Variants in CNTN4 observed in about 807,000 individuals in gnomAD.
CNTN4 encodes contactin 4.
In CNTN4, 77 loss-of-function variants were observed where a neutral mutation model predicts 122.5. The observed-to-expected ratio is 0.63, with a 90% CI of 0.52 to 0.76. The LOEUF (loss-of-function observed/expected upper bound fraction) is 0.76, where lower values mean the gene tolerates loss of function less well. Among genes scored for constraint, CNTN4 ranks in the 30% least tolerant of loss-of-function variants. The pLI is 0.00. For missense variants in CNTN4, 1,256 were observed against 1,259.1 expected (o/e 1.00, Z 0.04); for synonymous variants, 512 against 447.0 (o/e 1.15, Z -1.83).
chr3:2,962,649 A>G (rs904333712), intron 13 of CNTN4, among the ~76,000 whole-genome samples: 3 of 152,094 alleles, frequency 2.0e-5, no homozygotes, highest in Non-Finnish European at 4.4e-5. Flanking sequence ...TTCCAGGAGG[A>G]AGGAGTTATG....
At chr3:2,882,178 C>G (rs546572185) in intron 8 of CNTN4, among the ~76,000 whole-genome samples, 3 of 152,162 alleles carry the variant, frequency 2.0e-5, no homozygotes, top group Admixed American at 6.5e-5. Flanking sequence ...GCCTGGCCAA[C>G]ATGGTGAAAC....
chr3:2,636,641 A>G lies in CNTN4; in HGVS notation c.55+65083A>G, dbSNP rs955741528. Among the ~76,000 whole-genome samples, 46 of 152,182 alleles carry G rather than the reference A, an allele frequency of 3.0e-4. 1 individual carries two copies. Among genetic ancestry groups the G allele is most frequent in the African/African-American group, 1.1e-3 (45 of 41,448 alleles). ...TTATAACTGTATCCCCACTCCTAAT[A>G]TGAACAGTGAAGTCCAAATAAGCTT... On this transcript the variant is annotated intron_variant, in intron 4 of 24. Coordinates refer to ENST00000418658, the MANE Select transcript of CNTN4 (RefSeq NM_175607.3).
chr3:2,295,666 G>C (rs1559424612), intron 2 of CNTN4, among the ~76,000 whole-genome samples: 2 of 152,076 alleles, frequency 1.3e-5, no homozygotes, highest in African/African-American at 4.8e-5. Context: ...TTACTGTGCA[G>C]AGGTCTTTAG....
At chr3:2,568,483 C>G (rs906688658) in intron 3 of CNTN4, among the ~76,000 whole-genome samples, 1 of 152,138 alleles carries the variant, frequency 6.6e-6, no homozygotes, top group African/African-American at 2.4e-5. Context: ...GCTGAGTACA[C>G]TACCTTTGCT....
chr3:2,476,441 A>T (rs1318290743), intron 3 of CNTN4, among the ~76,000 whole-genome samples: 1 of 152,210 alleles, frequency 6.6e-6, no homozygotes, highest in Non-Finnish European at 1.5e-5. Flanking sequence ...GGGGTCATGT[A>T]TGTACTATGT....
At chr3:2,497,138 C>A (rs1391695827) in intron 3 of CNTN4, among the ~76,000 whole-genome samples, 11 of 152,302 alleles carry the variant, frequency 7.2e-5, no homozygotes, top group Admixed American at 7.2e-4. Flanking sequence ...TTCCTTAACC[C>A]ACTTCAGTTG....
At chr3:2,292,913 G>A (rs1032425706) in intron 2 of CNTN4, among the ~76,000 whole-genome samples, 4 of 152,160 alleles carry the variant, frequency 2.6e-5, no homozygotes, top group Non-Finnish European at 4.4e-5. Flanking sequence ...CATTTCTATA[G>A]GAGTAAAACT....
At chr3:2,117,528 G>C (rs1016991869) in intron 2 of CNTN4, among the ~76,000 whole-genome samples, 1 of 152,144 alleles carries the variant, frequency 6.6e-6, no homozygotes, top group Admixed American at 6.5e-5. Flanking sequence ...CTTCCAGGAG[G>C]TTGGGGGAGG....
intron 3 of CNTN4, among the ~76,000 whole-genome samples, chr3:2,432,150 A>G (rs540672562): frequency 5.3e-5 from 8 of 152,190 alleles, no homozygotes; most frequent in South Asian, 2.1e-4. Flanking sequence ...GTGAGTTTCA[A>G]CTCACCATCA....
intron 3 of CNTN4, among the ~76,000 whole-genome samples, chr3:2,393,082 C>T (rs751408848): frequency 6.6e-6 from 1 of 152,164 alleles, no homozygotes; most frequent in African/African-American, 2.4e-5. Context: ...CTGTGAGCCA[C>T]TGTTCCATCC....
intron 3 of CNTN4, among the ~76,000 whole-genome samples, chr3:2,546,172 T>A (rs2078236840): frequency 6.6e-6 from 1 of 152,088 alleles, no homozygotes; most frequent in African/African-American, 2.4e-5. Context: ...ACAGGTTATA[T>A]ACCCAAATGA....
chr3:2,537,667 C>G (rs962346798), intron 3 of CNTN4, among the ~76,000 whole-genome samples: 1 of 152,102 alleles, frequency 6.6e-6, no homozygotes, highest in Non-Finnish European at 1.5e-5. Context: ...TAGCTACTCT[C>G]TGAAATTTGG....
chr3:2,205,357 A>G (rs2038291617), intron 2 of CNTN4, among the ~76,000 whole-genome samples: 2 of 149,632 alleles, frequency 1.3e-5, no homozygotes, highest in South Asian at 4.2e-4. Context: ...AATATATGTA[A>G]TATAATTATA....
chr3:2,300,019 C>T (rs1248893764), intron 2 of CNTN4, among the ~76,000 whole-genome samples: 1 of 152,022 alleles, frequency 6.6e-6, no homozygotes, highest in Non-Finnish European at 1.5e-5. Flanking sequence ...AGGTAAGTCC[C>T]ATAACAGCTT....
chr3:2,339,365 A>C (rs2044091933), intron 3 of CNTN4, 132 bp downstream of exon 3: 1 of 152,152 alleles, frequency 6.6e-6, no homozygotes, highest in African/African-American at 2.4e-5. Flanking sequence ...GTTTTTATGA[A>C]TGTTGAAATT....
At chr3:3,043,973 C>T (rs1212882379) in intron 23 of CNTN4, among the ~76,000 whole-genome samples, 1 of 152,158 alleles carries the variant, frequency 6.6e-6, no homozygotes, top group Non-Finnish European at 1.5e-5. Flanking sequence ...CAAAAATACC[C>T]TGAAGAACCA....
intron 7 of CNTN4, among the ~76,000 whole-genome samples, chr3:2,829,240 G>A (rs1447330278): frequency 6.6e-6 from 1 of 152,148 alleles, no homozygotes; most frequent in Non-Finnish European, 1.5e-5. Context: ...TTTATAAGGT[G>A]ATGCCTTTCT....
intron 3 of CNTN4, among the ~76,000 whole-genome samples, chr3:2,499,436 CAG>C (rs1405994876): frequency 2.0e-5 from 3 of 152,096 alleles, no homozygotes; most frequent in South Asian, 2.1e-4. Flanking sequence ...ACATACTAAA[CAG>C]AATCTATAAT....
At position 2,724,861 on chromosome 3, in the gene CNTN4, G is replaced by A. The variant is rs73807910; in HGVS notation, c.56-11354G>A. The stretch of plus-strand genomic sequence containing the variant: ...GTAGAAAGGGCAACCTCTCCACTTT[G>A]GTCGTACTTTTGTTTAGATGAGAAG... On this transcript the variant is annotated intron_variant, in intron 4 of 24. Coordinates refer to ENST00000418658, the MANE Select transcript of CNTN4 (RefSeq NM_175607.3). Among the ~76,000 whole-genome samples, 636 of 152,044 alleles carry A rather than the reference G, an allele frequency of 4.2e-3. 5 individuals are homozygous for A. Among genetic ancestry groups the A allele is most frequent in the African/African-American group, 0.015 (604 of 41,542 alleles).
Sources: gnomAD v4.1 joint callset for allele counts (sites outside exome capture counted in the v4.1 genomes callset) on GRCh38, gnomAD v4.1.1 for gene constraint, MANE v1.5 for transcripts, NCBI Gene and HGNC (gene_info 2026-07-23, HGNC 2026-07-21) for gene names.